The following ERGIC1 variants were observed in gnomAD, a reference collection of about 807,000 sequenced individuals.
The protein encoded by ERGIC1 is endoplasmic reticulum-Golgi intermediate compartment protein 1.
In ERGIC1, 19 loss-of-function variants were observed where a neutral mutation model predicts 38.3. The ratio of observed to expected loss-of-function variants is 0.50; its 90% CI spans 0.35 to 0.73. ERGIC1 has a LOEUF of 0.73. ERGIC1 is among the 30% of genes least tolerant of loss of function. ERGIC1 has a pLI of 0.01. For synonymous variants in ERGIC1, 124 were observed against 157.6 expected (o/e 0.79, Z 1.60); for missense variants, 294 against 389.2 (o/e 0.76, Z 2.06).
At chr5:172,876,686 A>G (rs933430279) in intron 1 of ERGIC1, among the ~76,000 whole-genome samples, 3 of 151,888 alleles carry the variant, frequency 2.0e-5, no homozygotes, top group Admixed American at 6.6e-5. Context: ...ATCACAGCCA[A>G]GATCATGGAT....
At chr5:172,847,955 A>G (rs1328657487) in intron 1 of ERGIC1, among the ~76,000 whole-genome samples, 7 of 152,216 alleles carry the variant, frequency 4.6e-5, no homozygotes, top group East Asian at 1.9e-4. Context: ...AATAATTGCA[A>G]TGTGTTTGGT....
At chr5:172,854,673 T>G (rs1208167425) in intron 1 of ERGIC1, among the ~76,000 whole-genome samples, 1 of 152,238 alleles carries the variant, frequency 6.6e-6, no homozygotes, top group African/African-American at 2.4e-5. Context: ...TCCCGCCTTG[T>G]TCCCTGAGCA....
chr5:172,852,200 A>G (rs1425315961), intron 1 of ERGIC1, among the ~76,000 whole-genome samples: 2 of 152,186 alleles, frequency 1.3e-5, no homozygotes, highest in African/African-American at 4.8e-5. Context: ...GACACCATCA[A>G]GGCCATCCCC....
Position 172,870,338 on chromosome 5 carries a change from A to G in ERGIC1, c.21-18361A>G, listed in dbSNP as rs192366413. Among the ~76,000 whole-genome samples the G allele has an allele frequency of 1.9e-3, 282 of 152,216 alleles. 1 individual carries two copies. The highest frequency in any genetic ancestry group is 6.6e-3 in the African/African-American group (273 of 41,544). On this transcript the variant is annotated intron_variant, in intron 1 of 9. Transcript: ENST00000393784. The stretch of plus-strand genomic sequence containing the variant: ...CATGTGCCAAGCTGGGAGGCTTTCT[A>G]TGGACTCCACAGTTTGCCACAGGCC...
At position 172,951,053 on chromosome 5, in the gene ERGIC1, A is replaced by G; in HGVS notation, c.*237A>G. The G allele has an allele frequency of 2.2e-6, 1 of 447,314 alleles. No individual in the cohort carries two copies. The highest frequency in any genetic ancestry group is 3.3e-5 in the South Asian group (1 of 30,564). 27.7% of individuals were successfully genotyped at this position (447,314 alleles called of 1,614,324 possible). Reference sequence around the variant, plus strand: ...AGTTCCCCTTTCCCTGGGGAGCCCCAAGAACAGAGTCAGGCAAGGGGTGGG... The same window carrying G: ...AGTTCCCCTTTCCCTGGGGAGCCCCGAGAACAGAGTCAGGCAAGGGGTGGG... On this transcript the variant is annotated 3_prime_UTR_variant, in exon 10 of 10. Coordinates refer to ENST00000393784, the MANE Select transcript of ERGIC1 (RefSeq NM_001031711.3).
intron 9 of ERGIC1, among the ~76,000 whole-genome samples, chr5:172,941,678 G>A (rs1764015416): frequency 6.6e-6 from 1 of 152,196 alleles, no homozygotes; most frequent in Non-Finnish European, 1.5e-5. Context: ...CTGAGAATCA[G>A]GAAGAACTAT....
intron 1 of ERGIC1, among the ~76,000 whole-genome samples, chr5:172,887,097 G>A (rs763867909): frequency 7.2e-5 from 11 of 152,192 alleles, no homozygotes; most frequent in Non-Finnish European, 1.5e-4. Context: ...CATGTTTCAC[G>A]TGTAATTAGG....
intron 1 of ERGIC1, among the ~76,000 whole-genome samples, chr5:172,886,521 G>A (rs1443714126): frequency 6.6e-6 from 1 of 152,206 alleles, no homozygotes; most frequent in Non-Finnish European, 1.5e-5. Flanking sequence ...ACTGGGCCAA[G>A]GGTTGATTTT....
intron 3 of ERGIC1, among the ~76,000 whole-genome samples, chr5:172,898,787 C>T (rs984578269): frequency 2.0e-5 from 3 of 152,110 alleles, no homozygotes; most frequent in African/African-American, 4.8e-5. Context: ...TGTGGCCATG[C>T]AGGGTTCGAA....
intron 7 of ERGIC1, among the ~76,000 whole-genome samples, chr5:172,930,137 G>A (rs1276824651): frequency 5.4e-5 from 8 of 149,410 alleles, no homozygotes; most frequent in Non-Finnish European, 1.0e-4. Context: ...GCAGTGAGCC[G>A]AGATCGTGCC....
intron 1 of ERGIC1, among the ~76,000 whole-genome samples, chr5:172,884,366 T>G (rs55642493): frequency 0.023 from 3,487 of 151,698 alleles, 63 homozygotes; most frequent in Non-Finnish European, 0.037. Flanking sequence ...CTCAGCCTCT[T>G]GAGTAGCTAG....
At chr5:172,896,299 C>T (rs905222779) in intron 2 of ERGIC1, among the ~76,000 whole-genome samples, 7 of 152,134 alleles carry the variant, frequency 4.6e-5, no homozygotes, top group Non-Finnish European at 7.4e-5. Flanking sequence ...GCCGAGATTG[C>T]GCCACTGCAC....
intron 2 of ERGIC1, among the ~76,000 whole-genome samples, chr5:172,891,343 A>G (rs907448213): frequency 2.0e-5 from 3 of 152,026 alleles, no homozygotes; most frequent in African/African-American, 7.3e-5. Flanking sequence ...CAGTGGCTCC[A>G]TCCTCTTCCC....
At chr5:172,907,032 C>A (rs1038419811) in intron 3 of ERGIC1, among the ~76,000 whole-genome samples, 5 of 152,188 alleles carry the variant, frequency 3.3e-5, no homozygotes, top group African/African-American at 4.8e-5. Flanking sequence ...CTGCATTCCC[C>A]CCTCACCTCA....
chr5:172,914,610 C>G lies in ERGIC1; in HGVS notation c.251-104C>G. ...AGCTCCTGGAGGTCCCCAGCCCGGC[C>G]TGCCCCTGCAATGGATGAATGAAGG... On this transcript the variant is annotated intron_variant, in intron 4 of 9. Coordinates refer to ENST00000393784, the MANE Select transcript of ERGIC1 (RefSeq NM_001031711.3). 1.9e-6 allele frequency: 3 copies of G among 1,597,854 alleles called. No individual in the cohort carries two copies. In the South Asian group the frequency reaches 3.3e-5, roughly 18 times the overall value.
chr5:172,937,113 T>C (rs767542081), intron 9 of ERGIC1: 3 of 152,140 alleles, frequency 2.0e-5, no homozygotes, highest in Non-Finnish European at 2.9e-5. Context: ...ACATAAAAGT[T>C]AGAAACTCCT....
At chr5:172,909,908 C>A in intron 4 of ERGIC1, 147 bp downstream of exon 4, 1 of 721,152 alleles carries the variant, frequency 1.4e-6, no homozygotes, top group South Asian at 1.6e-5. Context: ...ATTGCGTATG[C>A]ATGCACTTGG....
intron 1 of ERGIC1, among the ~76,000 whole-genome samples, chr5:172,871,817 C>G (rs559505020): frequency 6.6e-6 from 1 of 152,328 alleles, no homozygotes; most frequent in African/African-American, 2.4e-5. Flanking sequence ...TCTGCTAAGA[C>G]AGGCCCTGAC....
At chr5:172,860,467 A>G (rs917074316) in intron 1 of ERGIC1, among the ~76,000 whole-genome samples, 1 of 152,264 alleles carries the variant, frequency 6.6e-6, no homozygotes, top group Non-Finnish European at 1.5e-5. Context: ...GAGCCAGGGC[A>G]GAGCTGGGGT....
Sources: gnomAD v4.1 joint callset for allele counts (sites outside exome capture counted in the v4.1 genomes callset) on GRCh38, gnomAD v4.1.1 for gene constraint, MANE v1.5 for transcripts, NCBI Gene and HGNC (gene_info 2026-07-23, HGNC 2026-07-21) for gene names.